The following PLSCR2 variants were observed in gnomAD, a reference collection of about 807,000 sequenced individuals.
PLSCR2 encodes PL scramblase 2.
PLSCR2 carries 18 observed loss-of-function variants against 25.3 expected under a neutral mutation model. That is an observed-to-expected ratio of 0.71 (90% CI 0.49 to 1.06). The LOEUF (loss-of-function observed/expected upper bound fraction) is 1.06, where lower values mean the gene tolerates loss of function less well. Among genes scored for constraint, PLSCR2 ranks in the 50% least tolerant of loss-of-function variants. The pLI is 0.00. For synonymous variants in PLSCR2, 88 were observed against 87.3 expected (o/e 1.01, Z -0.04); for missense variants, 243 against 269.5 (o/e 0.90, Z 0.69).
intron 1 of PLSCR2, among the ~76,000 whole-genome samples, chr3:146,481,717 T>G (rs1249149285): frequency 6.6e-6 from 1 of 152,112 alleles, no homozygotes; most frequent in Non-Finnish European, 1.5e-5. Flanking sequence ...TTCACAGAGT[T>G]GGAAAAAACT....
chr3:146,447,204 A>G (rs1212458628), intron 6 of PLSCR2, among the ~76,000 whole-genome samples: 1 of 152,178 alleles, frequency 6.6e-6, no homozygotes, highest in Non-Finnish European at 1.5e-5. Context: ...AAGCTGGTAT[A>G]CAAGCTGCAA....
At chr3:146,429,598 A>G (rs116584713), downstream of PLSCR2, among the ~76,000 whole-genome samples, 885 of 152,148 alleles carry the variant, frequency 5.8e-3, 9 homozygotes, top group African/African-American at 0.02. Flanking sequence ...GATGTGGGAG[A>G]AAAGAAATAA....
At chr3:146,434,385 T>C (rs578118529) in intron 8 of PLSCR2, among the ~76,000 whole-genome samples, 5 of 152,276 alleles carry the variant, frequency 3.3e-5, no homozygotes, top group African/African-American at 1.2e-4. Flanking sequence ...TGTATGCCTA[T>C]TTATTCATGA....
At chr3:146,392,060 T>A (rs2038099631) in intron 3 of PLSCR2, among the ~76,000 whole-genome samples, 1 of 152,136 alleles carries the variant, frequency 6.6e-6, no homozygotes, top group Admixed American at 6.5e-5. Flanking sequence ...AGTATTTCAT[T>A]TTTTAGTTTG....
intron 5 of PLSCR2, among the ~76,000 whole-genome samples, chr3:146,453,098 T>G (rs1447854964): frequency 2.0e-5 from 3 of 152,114 alleles, no homozygotes; most frequent in African/African-American, 7.2e-5. Flanking sequence ...GCATTCATTT[T>G]TATATAACCA....
chr3:146,427,489 C>T (rs1364072128), intron 2 of PLSCR2, among the ~76,000 whole-genome samples: 1 of 152,180 alleles, frequency 6.6e-6, no homozygotes, highest in Non-Finnish European at 1.5e-5. Flanking sequence ...TAACAAGGCA[C>T]TGCATTATCT....
intron 1 of PLSCR2, chr3:146,495,809 T>C (rs373732328): frequency 3.9e-6 from 4 of 1,017,660 alleles, no homozygotes; most frequent in Non-Finnish European, 5.8e-6. Context: ...TAGGAACATA[T>C]GCATAAACAA....
intron 1 of PLSCR2, among the ~76,000 whole-genome samples, chr3:146,486,135 A>G (rs1448686738): frequency 6.6e-6 from 1 of 152,202 alleles, no homozygotes; most frequent in Non-Finnish European, 1.5e-5. Context: ...CAAAGAGACA[A>G]TGTACCCAAA....
chr3:146,425,590 G>A (rs1446588113), intron 2 of PLSCR2, among the ~76,000 whole-genome samples: 1 of 152,120 alleles, frequency 6.6e-6, no homozygotes, highest in Non-Finnish European at 1.5e-5. Context: ...ATTTGGCAAT[G>A]GGCCAGGCTG....
At chr3:146,491,732 C>A (rs918294718) in intron 1 of PLSCR2, among the ~76,000 whole-genome samples, 1 of 152,076 alleles carries the variant, frequency 6.6e-6, no homozygotes, top group Non-Finnish European at 1.5e-5. Flanking sequence ...GACTATGCCA[C>A]TTTTCAACTC....
At chr3:146,426,051 G>A (rs985548654) in intron 2 of PLSCR2, among the ~76,000 whole-genome samples, 5 of 152,134 alleles carry the variant, frequency 3.3e-5, no homozygotes, top group Non-Finnish European at 2.9e-5. Context: ...TTGTCATAAT[G>A]ATTGCCAACT....
downstream of PLSCR2, among the ~76,000 whole-genome samples, chr3:146,430,648 T>A (rs1311411251): frequency 1.3e-5 from 2 of 152,168 alleles, no homozygotes; most frequent in African/African-American, 4.8e-5. Flanking sequence ...GTTAATTAAC[T>A]TGATGCCAGG....
intron 2 of PLSCR2, among the ~76,000 whole-genome samples, chr3:146,420,391 T>C (rs1388812057): frequency 1.3e-5 from 2 of 152,080 alleles, no homozygotes; most frequent in African/African-American, 4.8e-5. Context: ...AATTTTTCTA[T>C]ATTTTCAATA....
intron 1 of PLSCR2, among the ~76,000 whole-genome samples, chr3:146,472,210 G>A (rs2042141089): frequency 6.6e-6 from 1 of 152,080 alleles, no homozygotes; most frequent in African/African-American, 2.4e-5. Context: ...TAAATATTTT[G>A]TACGAGAAAT....
chr3:146,466,809 G>A (rs556642231), intron 1 of PLSCR2, among the ~76,000 whole-genome samples: 2 of 152,236 alleles, frequency 1.3e-5, no homozygotes, highest in Admixed American at 1.3e-4. Flanking sequence ...TTGCATTCAT[G>A]TTCCTATTTC....
At chr3:146,399,065 G>T (rs2038373141) in intron 2 of PLSCR2, among the ~76,000 whole-genome samples, 1 of 151,800 alleles carries the variant, frequency 6.6e-6, no homozygotes. Context: ...AATCACTAAA[G>T]TCCTGAAATT....
intron 8 of PLSCR2, among the ~76,000 whole-genome samples, chr3:146,434,928 CA>C (rs2039748657): frequency 7.8e-6 from 1 of 127,692 alleles, no homozygotes. Flanking sequence ...CCCCTCCCCC[CA>C]CCCCATGACA....
chr3:146,455,449 A>G, exon 4 of PLSCR2: 2 of 1,588,924 alleles, frequency 1.3e-6, no homozygotes, highest in Non-Finnish European at 1.7e-6. Flanking sequence ...TACTTTCAAA[A>G]CTGAATAGAA....
chr3:146,466,400 G>C (rs4600794), intron 1 of PLSCR2, among the ~76,000 whole-genome samples: 67,581 of 152,060 alleles, frequency 0.44, 15,748 homozygotes, highest in East Asian at 0.61. Context: ...CAAACTCCTA[G>C]TCTCGTTATC....
Sources: allele counts gnomAD v4.1 joint callset (sites outside exome capture counted in the v4.1 genomes callset), GRCh38; gene constraint gnomAD v4.1.1; transcripts MANE v1.5; gene names NCBI Gene and HGNC (gene_info 2026-07-23, HGNC 2026-07-21).